NPAS3: variants seen among roughly 807,000 people sequenced by gnomAD.
NPAS3 encodes the protein neuronal PAS domain-containing protein 3.
Under a neutral mutation model 73.1 loss-of-function variants are expected in NPAS3, and 14 were observed. That is an observed-to-expected ratio of 0.19 (90% CI 0.13 to 0.30). The LOEUF (loss-of-function observed/expected upper bound fraction) is 0.30. Among genes scored for constraint, NPAS3 ranks in the 10% least tolerant of loss-of-function variants. The probability of loss-of-function intolerance (pLI) is 1.00; values close to 1 mark genes in which losing one functional copy is unlikely to be tolerated. For synonymous variants in NPAS3, 620 were observed against 541.5 expected (o/e 1.14, Z -2.01); for missense variants, 1,096 against 1,250.0 (o/e 0.88, Z 1.86).
At chr14:33,019,752 C>G (rs1280277984) in intron 1 of NPAS3, among the ~76,000 whole-genome samples, 1 of 152,118 alleles carries the variant, frequency 6.6e-6, no homozygotes, top group Non-Finnish European at 1.5e-5. Flanking sequence ...AACTACACTC[C>G]TTTTGTAAGC....
chr14:33,276,978 A>G (rs1206129059), intron 3 of NPAS3, among the ~76,000 whole-genome samples: 2 of 152,076 alleles, frequency 1.3e-5, no homozygotes, highest in African/African-American at 4.8e-5. Context: ...TAACAAAGCC[A>G]TACCTCCACC....
At chr14:33,294,580 GT>G (rs959169383) in intron 3 of NPAS3, among the ~76,000 whole-genome samples, 25 of 152,016 alleles carry the variant, frequency 1.6e-4, no homozygotes, top group African/African-American at 6.0e-4. Flanking sequence ...GATAGTATTT[GT>G]TTTTGCTTGG....
chr14:33,181,383 G>T (rs2045794465), intron 2 of NPAS3, among the ~76,000 whole-genome samples: 1 of 152,154 alleles, frequency 6.6e-6, no homozygotes, highest in Non-Finnish European at 1.5e-5. Context: ...TAATCAGATT[G>T]TATGGGTTCA....
intron 2 of NPAS3, among the ~76,000 whole-genome samples, chr14:33,098,646 G>A (rs778848734): frequency 9.9e-5 from 15 of 152,070 alleles, no homozygotes; most frequent in Non-Finnish European, 1.9e-4. Flanking sequence ...CCAAAGTTCC[G>A]GTCTCTACAG....
At chr14:33,590,466 T>C (rs762026879) in intron 5 of NPAS3, among the ~76,000 whole-genome samples, 14 of 152,128 alleles carry the variant, frequency 9.2e-5, no homozygotes, top group Non-Finnish European at 1.9e-4. Context: ...GTGAGATATA[T>C]AGATTTGGGG....
At chr14:33,282,809 T>A (rs2041682921) in intron 3 of NPAS3, among the ~76,000 whole-genome samples, 1 of 152,180 alleles carries the variant, frequency 6.6e-6, no homozygotes, top group South Asian at 2.1e-4. Context: ...TCCATCTGAA[T>A]GGATAACACC....
At chr14:33,712,942 T>C (rs542360229) in intron 6 of NPAS3, among the ~76,000 whole-genome samples, 1 of 152,298 alleles carries the variant, frequency 6.6e-6, no homozygotes, top group Admixed American at 6.5e-5. Flanking sequence ...TGTGTCTCCC[T>C]CCTCTCATCA....
rs747089463 is a variant in NPAS3, at chr14:33,087,235, ATACAATATTG to A, written c.140+31261_140+31270del. 1.9e-4 allele frequency among the ~76,000 whole-genome samples: 23 copies of A among 119,244 alleles called. 1 individual carries two copies. Among genetic ancestry groups the A allele is most frequent in the African/African-American group, 6.6e-4 (20 of 30,324 alleles). 78.2% of individuals were successfully genotyped at this position (119,244 alleles called of 152,430 possible). A position where few individuals can be genotyped will look rare whatever the true frequency, so the allele number is the denominator to read the frequency against. On this transcript the variant is annotated intron_variant, in intron 2 of 11. Transcript: ENST00000356141. ...TTATTATTATTGTATAATATATATT[ATACAATATTG>A]TACAATATTGTACAATATTATTATG... is the stretch of plus-strand genomic sequence containing the variant.
chr14:33,088,538 A>G, intron 2 of NPAS3, among the ~76,000 whole-genome samples: 1 of 152,214 alleles, frequency 6.6e-6, no homozygotes, highest in South Asian at 2.1e-4. Flanking sequence ...CAAAGCGGCC[A>G]GGAAACTCGA....
At chr14:33,510,965 C>T (rs969719325) in intron 4 of NPAS3, among the ~76,000 whole-genome samples, 6 of 152,070 alleles carry the variant, frequency 3.9e-5, no homozygotes, top group African/African-American at 7.2e-5. Context: ...TCAGCTCTTA[C>T]CTGAGCAATT....
intron 7 of NPAS3, among the ~76,000 whole-genome samples, chr14:33,765,584 C>T (rs2062435959): frequency 6.6e-6 from 1 of 152,176 alleles, no homozygotes; most frequent in African/African-American, 2.4e-5. Context: ...GCCAAGGCTT[C>T]CTGCTTCTCA....
chr14:33,386,861 AT>A (rs2046796607), intron 4 of NPAS3, among the ~76,000 whole-genome samples: 1 of 152,068 alleles, frequency 6.6e-6, no homozygotes, highest in Non-Finnish European at 1.5e-5. Flanking sequence ...ATGTATTCCA[AT>A]TTCTCTTTTG....
rs3057435 is a variant in NPAS3 at position 33,077,774 on chromosome 14, G to GTTTTTTTTTTTTTTTTT, written c.140+21795_140+21796insTTTTTTTTTTTTTTTTT. Among the ~76,000 whole-genome samples, 317 of 87,434 alleles carry GTTTTTTTTTTTTTTTTT rather than the reference G, an allele frequency of 3.6e-3. 35 individuals carry two copies. The highest frequency in any genetic ancestry group is 4.6e-3 in the South Asian group (9 of 1,948). 57.4% of individuals were successfully genotyped at this position (87,434 alleles called of 152,430 possible). ...CTTTGCTCAAAACATTGCAGTAAGG[G>GTTTTTTTTTTTTTTTTT]TTTTTTTTTTTTTTTGCCCCTTTTG... On this transcript the variant is annotated intron_variant, in intron 2 of 11. Transcript: ENST00000356141.
intron 4 of NPAS3, among the ~76,000 whole-genome samples, chr14:33,452,883 G>A (rs1012680315): frequency 2.7e-5 from 4 of 150,382 alleles, no homozygotes; most frequent in Non-Finnish European, 5.9e-5. Flanking sequence ...TTAAGTATAT[G>A]TATTCCTATT....
At chr14:33,296,795 T>A (rs767693163) in intron 3 of NPAS3, among the ~76,000 whole-genome samples, 1 of 152,152 alleles carries the variant, frequency 6.6e-6, no homozygotes, top group Non-Finnish European at 1.5e-5. Context: ...ATTTTATTAG[T>A]CCGGGTAAAA....
chr14:33,657,630 G>C (rs2059182626), intron 5 of NPAS3, among the ~76,000 whole-genome samples: 1 of 152,138 alleles, frequency 6.6e-6, no homozygotes. Flanking sequence ...AGAGGAAGCG[G>C]GAGTCAGGCT....
intron 7 of NPAS3, among the ~76,000 whole-genome samples, chr14:33,746,235 C>T (rs1336364709): frequency 6.7e-6 from 1 of 149,882 alleles, no homozygotes; most frequent in Admixed American, 6.6e-5. Flanking sequence ...GTTGCCCAGG[C>T]TGGAGTGCAG....
chr14:33,482,057 T>G (rs28703626), intron 4 of NPAS3, among the ~76,000 whole-genome samples: 12,326 of 151,136 alleles, frequency 0.082, 809 homozygotes, highest in African/African-American at 0.18. Flanking sequence ...AAGCAAGTTT[T>G]TTTTTTTTTT....
At chr14:33,674,005 G>A (rs1043883686) in intron 5 of NPAS3, among the ~76,000 whole-genome samples, 1 of 152,150 alleles carries the variant, frequency 6.6e-6, no homozygotes, top group African/African-American at 2.4e-5. Context: ...GAGGTATGTT[G>A]GTGGGAAATC....
Sources: gnomAD v4.1 joint callset for allele counts (sites outside exome capture counted in the v4.1 genomes callset) on GRCh38, gnomAD v4.1.1 for gene constraint, MANE v1.5 for transcripts, NCBI Gene and HGNC (gene_info 2026-07-23, HGNC 2026-07-21) for gene names.